The following SMYD3 variants were observed in gnomAD, a reference collection of about 807,000 sequenced individuals.
The protein encoded by SMYD3 is SET and MYND domain containing 3.
SMYD3 carries 36 observed loss-of-function variants against 57.7 expected under a neutral mutation model. The ratio of observed to expected loss-of-function variants is 0.62; its 90% CI spans 0.48 to 0.82. The LOEUF is 0.82. Ranked by LOEUF, SMYD3 falls within the 40% of genes least tolerant of loss-of-function variation. The probability of loss-of-function intolerance (pLI) is 0.00; values close to 1 mark genes in which losing one functional copy is unlikely to be tolerated. For missense variants in SMYD3, 515 were observed against 538.8 expected, an observed-to-expected ratio of 0.96 and a Z score of 0.44; for synonymous variants, 211 against 195.0, an observed-to-expected ratio of 1.08 and a Z score of -0.68.
rs2046091291 is a variant in SMYD3 at position 245,766,240 on chromosome 1, T to C, written c.1077-2091A>G. Among the ~76,000 whole-genome samples, 4 of 151,852 alleles carry C rather than the reference T, an allele frequency of 2.6e-5. No individual in the cohort carries two copies. In the South Asian group the frequency reaches 8.3e-4, roughly 32 times the overall value. On this transcript the variant is annotated intron_variant, in intron 10 of 11. Coordinates refer to ENST00000490107, the MANE Select transcript of SMYD3 (RefSeq NM_001167740.2). ...GAATATGGTGAAACCCCGCCTCTAC[T>C]AAAAATACAAAATTTAGCTGGACGT...
At position 245,817,311 on chromosome 1, in the gene SMYD3, T is replaced by C. The variant is rs560879018; in HGVS notation, c.1076+41185A>G. Among the ~76,000 whole-genome samples, 267 of 143,216 alleles carry C rather than the reference T, an allele frequency of 1.9e-3. 9 individuals carry two copies. Among genetic ancestry groups the C allele is most frequent in the South Asian group, 2.7e-3 (12 of 4,462 alleles). 94.0% of individuals were successfully genotyped at this position (143,216 alleles called of 152,430 possible). A position where few individuals can be genotyped will look rare whatever the true frequency, so the allele number is the denominator to read the frequency against. On this transcript the variant is annotated intron_variant, in intron 10 of 11. Transcript: ENST00000490107. ...CACTGACACCTCACATGGCAGGGTATTCCAACAGCCCTGCAGCTGAGGGTC... is the reference window on the plus strand; with the variant it reads ...CACTGACACCTCACATGGCAGGGTACTCCAACAGCCCTGCAGCTGAGGGTC...
intron 1 of SMYD3, among the ~76,000 whole-genome samples, chr1:246,437,605 C>A (rs1257829207): frequency 6.6e-6 from 1 of 152,208 alleles, no homozygotes; most frequent in Non-Finnish European, 1.5e-5. Flanking sequence ...TTTTTCTGTA[C>A]ACAATTTTGT....
chr1:246,007,743 G>A (rs1161393680), intron 5 of SMYD3, among the ~76,000 whole-genome samples: 1 of 151,916 alleles, frequency 6.6e-6, no homozygotes, highest in African/African-American at 2.4e-5. Context: ...CATGAGCCTG[G>A]GAGGTTGAGG....
At chr1:245,981,589 A>G (rs762598337) in intron 5 of SMYD3, among the ~76,000 whole-genome samples, 2 of 152,264 alleles carry the variant, frequency 1.3e-5, no homozygotes, top group Non-Finnish European at 2.9e-5. Flanking sequence ...AAACATTTAT[A>G]AATACAAATG....
chr1:246,118,455 T>C (rs2061374333), intron 5 of SMYD3, among the ~76,000 whole-genome samples: 1 of 152,200 alleles, frequency 6.6e-6, no homozygotes, highest in African/African-American at 2.4e-5. Flanking sequence ...CATGTGCAGG[T>C]ATTATGTGCA....
At chr1:245,909,256 A>AAGAAAAC (rs2054796983) in intron 8 of SMYD3, among the ~76,000 whole-genome samples, 1 of 152,256 alleles carries the variant, frequency 6.6e-6, no homozygotes, top group East Asian at 1.9e-4. Flanking sequence ...TTAAACCGTG[A>AAGAAAAC]AGAAAACAGA....
chr1:245,856,741 G>A (rs1161103587), intron 10 of SMYD3, among the ~76,000 whole-genome samples: 2 of 152,190 alleles, frequency 1.3e-5, no homozygotes, highest in African/African-American at 4.8e-5. Context: ...GCCCGAGCAG[G>A]GCAGCCTGAG....
chr1:246,033,682 G>A (rs1469200577), intron 5 of SMYD3, among the ~76,000 whole-genome samples: 1 of 152,158 alleles, frequency 6.6e-6, no homozygotes, highest in East Asian at 1.9e-4. Context: ...ACCTACTCGT[G>A]AGGCTGAGGC....
intron 10 of SMYD3, among the ~76,000 whole-genome samples, chr1:245,813,258 C>T (rs1454324002): frequency 6.6e-6 from 1 of 152,094 alleles, no homozygotes; most frequent in Non-Finnish European, 1.5e-5. Context: ...TGGGATCCAC[C>T]TGCCTGGGTC....
At chr1:246,418,054 T>A (rs2067089128) in intron 1 of SMYD3, among the ~76,000 whole-genome samples, 1 of 152,226 alleles carries the variant, frequency 6.6e-6, no homozygotes, top group Non-Finnish European at 1.5e-5. Context: ...TCTCATATAC[T>A]GTGTGGCCCC....
chr1:246,260,526 C>A (rs2148519927), intron 5 of SMYD3, among the ~76,000 whole-genome samples: 1 of 152,208 alleles, frequency 6.6e-6, no homozygotes, highest in East Asian at 1.9e-4. Context: ...CCTTGGCTCA[C>A]TGCAACCTCT....
intron 5 of SMYD3, among the ~76,000 whole-genome samples, chr1:246,209,987 A>C (rs528983409): frequency 6.6e-6 from 1 of 152,262 alleles, no homozygotes; most frequent in Non-Finnish European, 1.5e-5. Flanking sequence ...TCAAATCTTC[A>C]CTAATTCTTC....
chr1:246,255,981 G>C (rs544096513), intron 5 of SMYD3, among the ~76,000 whole-genome samples: 22 of 145,724 alleles, frequency 1.5e-4, no homozygotes, highest in African/African-American at 4.8e-4. Context: ...TAGATAGATA[G>C]ATAGATACAC....
chr1:246,107,242 G>A (rs1022852491), intron 5 of SMYD3, among the ~76,000 whole-genome samples: 10 of 151,614 alleles, frequency 6.6e-5, no homozygotes, highest in Non-Finnish European at 1.5e-4. Flanking sequence ...AGCCGAGATT[G>A]CGCCACTGCA....
At chr1:246,402,109 C>G (rs551395616) in intron 1 of SMYD3, among the ~76,000 whole-genome samples, 10 of 152,252 alleles carry the variant, frequency 6.6e-5, no homozygotes, top group African/African-American at 2.4e-4. Flanking sequence ...TTACCTTCAT[C>G]CTCTCTTTTT....
intron 8 of SMYD3, among the ~76,000 whole-genome samples, chr1:245,886,690 A>G (rs984228166): frequency 6.6e-6 from 1 of 152,180 alleles, no homozygotes; most frequent in African/African-American, 2.4e-5. Flanking sequence ...TTCTGGGTGT[A>G]ATGATGTGAA....
intron 11 of SMYD3, among the ~76,000 whole-genome samples, chr1:245,757,907 G>A (rs1266897681): frequency 6.6e-6 from 1 of 151,904 alleles, no homozygotes; most frequent in Non-Finnish European, 1.5e-5. Context: ...GGCTATTTGG[G>A]ATTCCTTGAG....
intron 4 of SMYD3, 29 bp downstream of exon 4, chr1:246,330,451 T>C (rs765630903): frequency 6.6e-7 from 1 of 1,523,484 alleles, no homozygotes; most frequent in Non-Finnish European, 8.8e-7. Flanking sequence ...ATAGAAACTT[T>C]TTTAAGATGC....
chr1:245,841,101 T>C (rs9729071), intron 10 of SMYD3, among the ~76,000 whole-genome samples: 1,602 of 152,336 alleles, frequency 0.011, 34 homozygotes, highest in African/African-American at 0.037. Flanking sequence ...TTCTGTAGAA[T>C]ATAAACCATT....
Sources: allele counts gnomAD v4.1 joint callset (sites outside exome capture counted in the v4.1 genomes callset), GRCh38; gene constraint gnomAD v4.1.1; transcripts MANE v1.5; gene names NCBI Gene and HGNC (gene_info 2026-07-23, HGNC 2026-07-21).